MAP4K3: variants seen among roughly 807,000 people sequenced by gnomAD.
MAP4K3 encodes MAPK/ERK kinase kinase kinase 3.
In MAP4K3, 94 loss-of-function variants were observed where a neutral mutation model predicts 143.5. The ratio of observed to expected loss-of-function variants is 0.65; its 90% confidence interval spans 0.55 to 0.78. The LOEUF is 0.78. Ranked by LOEUF, MAP4K3 falls within the 30% of genes least tolerant of loss-of-function variation. The pLI is 0.00. For missense variants in MAP4K3, 1,077 were observed against 1,068.1 expected (o/e 1.01, Z -0.12); for synonymous variants, 416 against 347.2 (o/e 1.20, Z -2.20).
At chr2:39,396,489 T>G (rs1666809256) in intron 1 of MAP4K3, among the ~76,000 whole-genome samples, 1 of 151,890 alleles carries the variant, frequency 6.6e-6, no homozygotes, top group African/African-American at 2.4e-5. Context: ...TTTTTTTTTT[T>G]TTTTTTTTTA....
chr2:39,402,783 GA>G (rs1328362979), intron 1 of MAP4K3, among the ~76,000 whole-genome samples: 1 of 130,268 alleles, frequency 7.7e-6, no homozygotes, highest in South Asian at 2.4e-4. Context: ...AAACCAATCA[GA>G]AAAAAAGACA....
At chr2:39,352,924 A>G (rs150613568) in intron 3 of MAP4K3, among the ~76,000 whole-genome samples, 95 of 152,336 alleles carry the variant, frequency 6.2e-4, no homozygotes, top group Admixed American at 3.9e-3. Flanking sequence ...AGAAGGAAGA[A>G]TGTTGCAATG....
chr2:39,287,721 T>C (rs1352288837), intron 20 of MAP4K3, among the ~76,000 whole-genome samples: 3 of 152,182 alleles, frequency 2.0e-5, no homozygotes, highest in Non-Finnish European at 4.4e-5. Flanking sequence ...ATACCAATTA[T>C]TTTTTTAGAA....
At chr2:39,397,936 T>C (rs909321228) in intron 1 of MAP4K3, among the ~76,000 whole-genome samples, 4 of 152,146 alleles carry the variant, frequency 2.6e-5, no homozygotes, top group Non-Finnish European at 5.9e-5. Context: ...TACAGTGAGA[T>C]AGTGTTTCTT....
chr2:39,256,590 A>G (rs1680349966), intron 31 of MAP4K3, among the ~76,000 whole-genome samples: 1 of 152,164 alleles, frequency 6.6e-6, no homozygotes, highest in African/African-American at 2.4e-5. Flanking sequence ...CTTTCCTGGG[A>G]TAGTTTACTA....
At chr2:39,273,420 T>C (rs576306958) in intron 24 of MAP4K3, among the ~76,000 whole-genome samples, 5 of 152,336 alleles carry the variant, frequency 3.3e-5, no homozygotes, top group African/African-American at 1.2e-4. Context: ...GAGCCACTGA[T>C]GTACATAATT....
At chr2:39,337,084 T>C (rs574423335) in intron 5 of MAP4K3, 117 bp from the exon 6 acceptor site, 7 of 516,610 alleles carry the variant, frequency 1.4e-5, no homozygotes, top group Non-Finnish European at 2.5e-5. Flanking sequence ...ACAGGAGATC[T>C]AGTACTAATC....
intron 1 of MAP4K3, among the ~76,000 whole-genome samples, chr2:39,391,064 A>G (rs1477925233): frequency 6.6e-6 from 1 of 152,164 alleles, no homozygotes; most frequent in Non-Finnish European, 1.5e-5. Context: ...TAGAAATAAT[A>G]CATACTATAG....
At chr2:39,374,443 A>G (rs1239470789) in intron 2 of MAP4K3, among the ~76,000 whole-genome samples, 2 of 152,286 alleles carry the variant, frequency 1.3e-5, no homozygotes, top group East Asian at 1.9e-4. Flanking sequence ...GCACTTTGGG[A>G]GGCAGAGGCG....
chr2:39,285,260 C>T (rs1354354682), intron 21 of MAP4K3, among the ~76,000 whole-genome samples: 1 of 152,086 alleles, frequency 6.6e-6, no homozygotes, highest in South Asian at 2.1e-4. Context: ...TATGATAGAG[C>T]CATGGACATA....
intron 1 of MAP4K3, among the ~76,000 whole-genome samples, chr2:39,423,285 T>C (rs1444076514): frequency 6.6e-6 from 1 of 152,160 alleles, no homozygotes. Flanking sequence ...GGTGGGGATG[T>C]GGAGCAACAG....
chr2:39,381,630 G>A (rs529973142), intron 1 of MAP4K3, among the ~76,000 whole-genome samples: 26 of 151,910 alleles, frequency 1.7e-4, no homozygotes, highest in Non-Finnish European at 2.2e-4. Context: ...TTAAATTTAC[G>A]TCTATAATCT....
intron 2 of MAP4K3, among the ~76,000 whole-genome samples, chr2:39,373,745 G>A (rs1051475571): frequency 6.6e-6 from 1 of 152,142 alleles, no homozygotes; most frequent in South Asian, 2.1e-4. Flanking sequence ...CAAAACAATT[G>A]AACTTAAGGA....
At chr2:39,333,432 C>T (rs968262389) in intron 7 of MAP4K3, 100 bp downstream of exon 7, 27 of 828,842 alleles carry the variant, frequency 3.3e-5, no homozygotes, top group African/African-American at 5.2e-5. Context: ...ACACAGATGC[C>T]GTCTTAGGAG....
chr2:39,304,828 T>C (rs1477838012), intron 15 of MAP4K3, among the ~76,000 whole-genome samples: 1 of 152,238 alleles, frequency 6.6e-6, no homozygotes, highest in East Asian at 1.9e-4. Flanking sequence ...TGGATGAATG[T>C]ATAAACAAAA....
chr2:39,415,952 CAA>C (rs1192060497), intron 1 of MAP4K3, among the ~76,000 whole-genome samples: 10 of 2,658 alleles, frequency 3.8e-3, no homozygotes, highest in East Asian at 0.045. Flanking sequence ...GGCTCTGTCT[CAA>C]AAAAAAAAAA....
rs190735759 is a variant in MAP4K3 at position 39,283,590 on chromosome 2, T to C, written c.1588-1036A>G. The C allele has an allele frequency of 9.2e-5, 14 of 152,106 alleles. 1 individual carries two copies. The East Asian group carries it at 2.5e-3, about 27-fold the overall frequency. The allele number at this position is 152,106 out of a possible 1,614,324, so 9.4% of individuals were successfully genotyped here. On this transcript the variant is annotated intron_variant, in intron 21 of 33. Coordinates refer to ENST00000263881, the MANE Select transcript of MAP4K3 (RefSeq NM_003618.4). ...TTGTGTAGATAATCTTCACCATGTTTACAATGAGTTTTGCTAAGTGAAGTT... is the reference window on the plus strand; with the variant it reads ...TTGTGTAGATAATCTTCACCATGTTCACAATGAGTTTTGCTAAGTGAAGTT...
At chr2:39,366,843 G>C (rs1665937840) in intron 2 of MAP4K3, among the ~76,000 whole-genome samples, 1 of 152,124 alleles carries the variant, frequency 6.6e-6, no homozygotes, top group African/African-American at 2.4e-5. Context: ...ATTGGCTTAA[G>C]TAATTACAAC....
chr2:39,437,118 G>A lies in MAP4K3; in HGVS notation c.-131C>T, dbSNP rs2148645458. The A allele has an allele frequency of 5.5e-6, 3 of 543,770 alleles. No individual in the cohort carries two copies. The highest frequency in any genetic ancestry group is 7.4e-5 in the East Asian group (2 of 26,914). The allele number at this position is 543,770 out of a possible 1,614,324, so 33.7% of individuals were successfully genotyped here. A position where few individuals can be genotyped will look rare whatever the true frequency, so the allele number is the denominator to read the frequency against. On this transcript the variant is annotated 5_prime_UTR_variant, in exon 1 of 34. Transcript: ENST00000263881. ...GGTCACAATCACCCGGCTCCACGCT[G>A]CGGCCGCCGCCGCCGCCGCCGCTCC... is the stretch of plus-strand genomic sequence containing the variant.
Sources: allele counts gnomAD v4.1 joint callset (sites outside exome capture counted in the v4.1 genomes callset), GRCh38; gene constraint gnomAD v4.1.1; transcripts MANE v1.5; gene names NCBI Gene and HGNC (gene_info 2026-07-23, HGNC 2026-07-21).